Variants in ADCY9 observed in about 807,000 individuals in gnomAD.
The protein encoded by ADCY9 is adenylate cyclase type 9.
Under a neutral mutation model 101.5 loss-of-function variants are expected in ADCY9, and 50 were observed. The observed-to-expected ratio is 0.49, with a 90% CI of 0.39 to 0.62. ADCY9 has a LOEUF of 0.62. ADCY9 is among the 20% of genes least tolerant of loss of function. ADCY9 has a pLI of 0.00. For synonymous variants in ADCY9, 905 were observed against 769.3 expected, an observed-to-expected ratio of 1.18 and a Z score of -2.92; for missense variants, 1,662 against 1,800.4, an observed-to-expected ratio of 0.92 and a Z score of 1.39.
intron 2 of ADCY9, among the ~76,000 whole-genome samples, chr16:4,043,407 C>A (rs1396442923): frequency 6.6e-6 from 1 of 152,066 alleles, no homozygotes; most frequent in Non-Finnish European, 1.5e-5. Context: ...GGCGCGGTGG[C>A]TCACACCTAT....
intron 2 of ADCY9, among the ~76,000 whole-genome samples, 187 bp from the exon 3 acceptor site, chr16:4,007,745 G>A (rs189163008): frequency 2.2e-4 from 34 of 152,016 alleles, no homozygotes; most frequent in Admixed American, 1.7e-3. Flanking sequence ...GGGAGACCGT[G>A]GGCCCCCGAG....
chr16:4,080,732 G>A (rs200200540), intron 2 of ADCY9, among the ~76,000 whole-genome samples: 4 of 72,478 alleles, frequency 5.5e-5, no homozygotes, highest in African/African-American at 2.2e-4. Flanking sequence ...TTTTTTTTTT[G>A]TAAAAATATC....
At chr16:4,085,870 T>C (rs760763547) in intron 2 of ADCY9, among the ~76,000 whole-genome samples, 2 of 151,730 alleles carry the variant, frequency 1.3e-5, no homozygotes, top group Non-Finnish European at 2.9e-5. Context: ...ACCAGTGTGG[T>C]CCTTCCACCC....
At chr16:4,106,229 T>C (rs1324554020) in intron 2 of ADCY9, among the ~76,000 whole-genome samples, 2 of 152,184 alleles carry the variant, frequency 1.3e-5, no homozygotes, top group African/African-American at 2.4e-5. Flanking sequence ...TTGACTAAAA[T>C]TTAGCCACGG....
chr16:4,113,489 G>A (rs1056962595), intron 2 of ADCY9, among the ~76,000 whole-genome samples: 1 of 152,156 alleles, frequency 6.6e-6, no homozygotes, highest in African/African-American at 2.4e-5. Context: ...CCAACCAGTG[G>A]TTATGCACGT....
intron 10 of ADCY9, among the ~76,000 whole-genome samples, chr16:3,967,566 T>A (rs2540031): frequency 0.46 from 69,293 of 151,482 alleles, 18,658 homozygotes; most frequent in Non-Finnish European, 0.62. Flanking sequence ...ATTAAAAAAT[T>A]TTTTTTTTGA....
intron 2 of ADCY9, among the ~76,000 whole-genome samples, chr16:4,040,095 G>A (rs1015679307): frequency 3.9e-5 from 6 of 152,054 alleles, no homozygotes; most frequent in Admixed American, 3.3e-4. Flanking sequence ...AGCTTAACAC[G>A]CCTTTTCATA....
At chr16:3,970,451 C>G (rs561306445) in intron 10 of ADCY9, among the ~76,000 whole-genome samples, 7 of 152,248 alleles carry the variant, frequency 4.6e-5, no homozygotes, top group African/African-American at 1.7e-4. Context: ...CTCAGCCTCC[C>G]GAGTAGCTGG....
At chr16:3,987,460 C>A (rs937603542) in intron 6 of ADCY9, among the ~76,000 whole-genome samples, 1 of 152,262 alleles carries the variant, frequency 6.6e-6, no homozygotes, top group Admixed American at 6.5e-5. Flanking sequence ...GGACCACAGC[C>A]ACCTGTTCAG....
rs927650263 is a variant in ADCY9, at chr16:3,963,126, A to G, written c.*2649T>C. The G allele has an allele frequency of 2.4e-5, 4 of 163,478 alleles. No homozygotes were observed. The highest frequency in any genetic ancestry group is 4.8e-5 in the Non-Finnish European group (4 of 83,580). 10.1% of individuals were successfully genotyped at this position (163,478 alleles called of 1,614,324 possible). ...TATATATATATATATATATATATAT[A>G]TATATATATATATATATGGATATAT... On this transcript the variant is annotated 3_prime_UTR_variant, in exon 11 of 11. Transcript: ENST00000294016.
At chr16:4,001,705 T>C (rs528816075) in intron 3 of ADCY9, among the ~76,000 whole-genome samples, 25 of 151,056 alleles carry the variant, frequency 1.7e-4, no homozygotes, top group African/African-American at 5.3e-4. Context: ...GATACCAACA[T>C]GCCTGGCTAA....
Position 4,114,348 on chromosome 16 carries a change from G to A in ADCY9, c.1095C>T (p.Ser365=), listed in dbSNP as rs2057133399. 5.0e-6 allele frequency: 8 copies of A among 1,613,978 alleles called. No homozygotes were observed. Among genetic ancestry groups the A allele is most frequent in the Non-Finnish European group, 6.8e-6 (8 of 1,180,018 alleles). Residue 365 remains serine, a synonymous_variant, in exon 2 of 11, where the codon AGC becomes AGT. Transcript: ENST00000294016. The surrounding 1 kb of genome is among the most constrained non-coding windows in gnomAD (Gnocchi z 4.3). ...ENSVKRHATS[S]PKNRKKKSSI... ...AAGACTTTTTCTTCCTGTTCTTGGG[G>A]CTCGAGGTGGCATGCCTCTTGACAG...
chr16:4,115,609 C>T lies in ADCY9; in HGVS notation c.-44+81G>A. 2 of 811,780 alleles carry T rather than the reference C, an allele frequency of 2.5e-6. No homozygotes were observed. The highest frequency in any genetic ancestry group is 2.0e-5 in the South Asian group (1 of 51,160). 50.3% of individuals were successfully genotyped at this position (811,780 alleles called of 1,614,324 possible). On this transcript the variant is annotated intron_variant, in intron 1 of 10. Coordinates refer to ENST00000294016, the MANE Select transcript of ADCY9 (RefSeq NM_001116.4). The surrounding 1 kb of genome is among the most constrained non-coding windows in gnomAD (Gnocchi z 6.2). ...CGACCTGGACAGGCACCATCTGTTC[C>T]TGTGGTTCCCGGCTCAGCGGTGCTC...
At chr16:4,059,447 G>A (rs914950991) in intron 2 of ADCY9, among the ~76,000 whole-genome samples, 1 of 151,622 alleles carries the variant, frequency 6.6e-6, no homozygotes, top group African/African-American at 2.4e-5. Flanking sequence ...AGATGACCTG[G>A]GGAGAGGGGA....
At chr16:3,989,664 C>T (rs1226805052) in intron 5 of ADCY9, among the ~76,000 whole-genome samples, 3 of 152,180 alleles carry the variant, frequency 2.0e-5, no homozygotes. Flanking sequence ...ACAGCGTGAG[C>T]TGCTGAGGCT....
chr16:4,035,724 C>G (rs2056584437), intron 2 of ADCY9, among the ~76,000 whole-genome samples: 1 of 152,100 alleles, frequency 6.6e-6, no homozygotes, highest in East Asian at 1.9e-4. Flanking sequence ...GGGGGCCGGG[C>G]ACGGTGGCTC....
chr16:3,992,119 C>T lies in ADCY9; in HGVS notation c.2207+27G>A, dbSNP rs772162678. 8 of 1,609,558 alleles carry T rather than the reference C, an allele frequency of 5.0e-6. No homozygotes were observed. The East Asian group carries it at 1.6e-4, about 31-fold the overall frequency. On this transcript the variant is annotated intron_variant, in intron 5 of 10. Transcript: ENST00000294016. This position sits in a 1 kb window ranked among gnomAD's most constrained non-coding sequence, Gnocchi z 4.2. ...GAGAGGCTTCTGCCTGCAACCTTTG[C>T]TTTTTCCCAGACAGCCCCAGTCGTA...
In ADCY9 at chr16:4,115,394, C is replaced by G; in HGVS notation, c.49G>C (p.Val17Leu). ...CTGTCCCCGCTGGAGTCGCAGCTCA[C>G]CTCGGTGCTGTGGTGATGCAGCAGC... The part of the protein sequence containing the change: ...QQLLHHHSTE[V>L]SCDSSGDSNS... The change falls in exon 2 of 11, where the codon GTG (valine) becomes CTG (leucine). Residue 17 changes from valine (V) to leucine (L), a missense_variant. By Grantham distance (32) the Val-to-Leu change is conservative (BLOSUM62 1). Coordinates refer to ENST00000294016, the MANE Select transcript of ADCY9 (RefSeq NM_001116.4). This position sits in a 1 kb window ranked among gnomAD's most constrained non-coding sequence, Gnocchi z 6.2. 6.3e-7 allele frequency: 1 copy of G among 1,592,352 alleles called. No individual in the cohort carries two copies. Among genetic ancestry groups the G allele is most frequent in the Non-Finnish European group, 8.5e-7 (1 of 1,170,300 alleles).
chr16:3,999,878 T>G (rs2056317947), intron 3 of ADCY9, among the ~76,000 whole-genome samples: 1 of 152,226 alleles, frequency 6.6e-6, no homozygotes. Context: ...GGCACAAAGC[T>G]ATAAAATCGT....
Sources: allele counts gnomAD v4.1 joint callset (sites outside exome capture counted in the v4.1 genomes callset), GRCh38; gene constraint gnomAD v4.1.1; non-coding constraint Gnocchi (gnomAD v3.1); transcripts MANE v1.5; gene names NCBI Gene and HGNC (gene_info 2026-07-23, HGNC 2026-07-21).